The following ANKS1B variants were observed in gnomAD, a reference collection of about 807,000 sequenced individuals.
The protein encoded by ANKS1B is ankyrin repeat and sterile alpha motif domain-containing protein 1B.
A neutral mutation model predicts 148.3 loss-of-function variants in ANKS1B; 36 were observed. That is an observed-to-expected ratio of 0.24 (90% CI 0.19 to 0.32). ANKS1B has a LOEUF of 0.32. ANKS1B is among the 10% of genes least tolerant of loss of function. The pLI is 1.00. For missense variants in ANKS1B, 1,157 were observed against 1,542.6 expected, an observed-to-expected ratio of 0.75 and a Z score of 4.19; for synonymous variants, 542 against 560.8, an observed-to-expected ratio of 0.97 and a Z score of 0.47.
At chr12:99,257,017 G>T (rs2075339249) in intron 12 of ANKS1B, among the ~76,000 whole-genome samples, 1 of 152,114 alleles carries the variant, frequency 6.6e-6, no homozygotes, top group South Asian at 2.1e-4. Flanking sequence ...GGCTGAGACG[G>T]GTGGATCACG....
intron 1 of ANKS1B, among the ~76,000 whole-genome samples, chr12:99,857,581 C>G (rs536065917): frequency 2.2e-4 from 34 of 152,176 alleles, no homozygotes; most frequent in African/African-American, 8.2e-4. Context: ...ATAACCAAAG[C>G]AGGACTAAGC....
intron 1 of ANKS1B, among the ~76,000 whole-genome samples, chr12:99,975,775 G>A (rs1286957850): frequency 1.3e-5 from 2 of 152,170 alleles, no homozygotes; most frequent in African/African-American, 2.4e-5. Flanking sequence ...TTGTCTGTCA[G>A]TGTGGAAGGT....
chr12:98,992,429 G>C (rs918070514), intron 17 of ANKS1B, among the ~76,000 whole-genome samples: 1 of 152,066 alleles, frequency 6.6e-6, no homozygotes, highest in African/African-American at 2.4e-5. Context: ...TTGGATCCTG[G>C]GGGTGATTTC....
At chr12:99,793,252 G>A (rs1283642636) in intron 4 of ANKS1B, among the ~76,000 whole-genome samples, 1 of 152,058 alleles carries the variant, frequency 6.6e-6, no homozygotes, top group Admixed American at 6.6e-5. Context: ...TTGTTAAAAT[G>A]TCCATACTAA....
intron 14 of ANKS1B, among the ~76,000 whole-genome samples, chr12:99,186,396 C>T (rs184758680): frequency 1.3e-5 from 2 of 152,204 alleles, no homozygotes; most frequent in South Asian, 2.1e-4. Context: ...TGCTAAGGGA[C>T]AGACTGCCTC....
intron 17 of ANKS1B, among the ~76,000 whole-genome samples, chr12:98,897,605 T>C (rs963874241): frequency 1.1e-4 from 16 of 152,208 alleles, no homozygotes; most frequent in Non-Finnish European, 1.8e-4. Context: ...GGAATGCTTA[T>C]ACACAATTGG....
intron 16 of ANKS1B, among the ~76,000 whole-genome samples, chr12:99,057,671 G>A (rs1337205277): frequency 6.6e-6 from 1 of 152,190 alleles, no homozygotes; most frequent in Non-Finnish European, 1.5e-5. Flanking sequence ...TTATGTCTCA[G>A]TGTGGCTGGA....
chr12:99,084,914 G>A lies in ANKS1B; in HGVS notation c.2625+11C>T, dbSNP rs755792130. 2 of 1,595,634 alleles carry A rather than the reference G, an allele frequency of 1.3e-6. No individual in the cohort carries two copies. Among genetic ancestry groups the A allele is most frequent in the South Asian group, 1.1e-5 (1 of 88,542 alleles). On this transcript the variant is annotated intron_variant, in intron 16 of 26. Transcript: ENST00000683438. The stretch of plus-strand genomic sequence containing the variant: ...CGTACACAGGACTAGGGCAATAAAA[G>A]TATTGCTCACCTTTGGAAGGAGCTG...
At chr12:98,778,313 T>C (rs1345681641) in intron 24 of ANKS1B, among the ~76,000 whole-genome samples, 1 of 152,090 alleles carries the variant, frequency 6.6e-6, no homozygotes, top group African/African-American at 2.4e-5. Context: ...CCATCTCTAC[T>C]AAAAATACAA....
At chr12:99,935,639 C>T (rs749643268) in intron 1 of ANKS1B, among the ~76,000 whole-genome samples, 3 of 152,138 alleles carry the variant, frequency 2.0e-5, no homozygotes, top group African/African-American at 2.4e-5. Context: ...ATGCCACCAG[C>T]GATTCCCTGC....
At chr12:99,847,963 G>T (rs181772084) in intron 1 of ANKS1B, among the ~76,000 whole-genome samples, 42 of 152,128 alleles carry the variant, frequency 2.8e-4, no homozygotes, top group African/African-American at 5.5e-4. Flanking sequence ...ATGACAAATT[G>T]TTCCTGGTGA....
intron 17 of ANKS1B, among the ~76,000 whole-genome samples, chr12:99,050,101 A>G (rs2099965004): frequency 6.6e-6 from 1 of 152,176 alleles, no homozygotes; most frequent in African/African-American, 2.4e-5. Flanking sequence ...CTAGAAAACA[A>G]CAAACTATGC....
At chr12:98,780,125 C>T (rs542291157) in intron 24 of ANKS1B, among the ~76,000 whole-genome samples, 1 of 152,306 alleles carries the variant, frequency 6.6e-6, no homozygotes, top group African/African-American at 2.4e-5. Flanking sequence ...ATCCAGTTGC[C>T]TTGGCCCTAA....
chr12:99,436,732 G>T (rs2095467512), intron 11 of ANKS1B, among the ~76,000 whole-genome samples: 1 of 151,976 alleles, frequency 6.6e-6, no homozygotes, highest in Non-Finnish European at 1.5e-5. Context: ...CACAGGTCCA[G>T]AAGAATATTC....
At chr12:99,715,580 A>C (rs2057208103) in intron 8 of ANKS1B, among the ~76,000 whole-genome samples, 1 of 152,076 alleles carries the variant, frequency 6.6e-6, no homozygotes, top group Non-Finnish European at 1.5e-5. Flanking sequence ...CTTCACACGG[A>C]TGCGCATGAA....
chr12:98,822,281 T>C (rs977673256), intron 19 of ANKS1B, among the ~76,000 whole-genome samples: 1 of 152,168 alleles, frequency 6.6e-6, no homozygotes, highest in African/African-American at 2.4e-5. Flanking sequence ...CTTTTTATTT[T>C]TTTTACCACT....
intron 14 of ANKS1B, among the ~76,000 whole-genome samples, chr12:99,182,805 A>T (rs553175813): frequency 6.6e-6 from 1 of 152,170 alleles, no homozygotes; most frequent in South Asian, 2.1e-4. Flanking sequence ...CTTTTTCTCC[A>T]CGTCTTCACC....
At chr12:98,861,823 G>C (rs557197814) in intron 17 of ANKS1B, among the ~76,000 whole-genome samples, 1 of 152,324 alleles carries the variant, frequency 6.6e-6, no homozygotes, top group African/African-American at 2.4e-5. Context: ...AACTGGGGCT[G>C]AATCCTGGGG....
rs7298417 is a variant in ANKS1B at position 99,515,353 on chromosome 12, A to G, written c.1273-10712T>C. 3.3e-3 allele frequency among the ~76,000 whole-genome samples: 508 copies of G among 152,156 alleles called. 4 individuals are homozygous for G. Among genetic ancestry groups the G allele is most frequent in the African/African-American group, 0.012 (492 of 41,518 alleles). On this transcript the variant is annotated intron_variant, in intron 9 of 26. Coordinates refer to ENST00000683438, the MANE Select transcript of ANKS1B (RefSeq NM_001352186.2). ...CTATTCTTCCCAGCCTCTGGAAACC[A>G]TCATCCTACTTTATGTCTCCATGAG...
Sources: gnomAD v4.1 joint callset for allele counts (sites outside exome capture counted in the v4.1 genomes callset) on GRCh38, gnomAD v4.1.1 for gene constraint, MANE v1.5 for transcripts, NCBI Gene and HGNC (gene_info 2026-07-23, HGNC 2026-07-21) for gene names.